Variants in GALNT17 observed in about 807,000 individuals in gnomAD.
The protein encoded by GALNT17 is UDP-GalNAc:polypeptide N-acetylgalactosaminyltransferase-like 3.
In GALNT17, 29 loss-of-function variants were observed where a neutral mutation model predicts 63.7. That is an observed-to-expected ratio of 0.46 (90% CI 0.34 to 0.62). The LOEUF (loss-of-function observed/expected upper bound fraction) is 0.62, where lower values mean the gene tolerates loss of function less well. GALNT17 is among the 20% of genes least tolerant of loss of function. GALNT17 has a pLI of 0.01. For missense variants in GALNT17, 603 were observed against 799.6 expected (o/e 0.75, Z 2.97); for synonymous variants, 305 against 318.3 (o/e 0.96, Z 0.45).
At chr7:71,574,778 C>T (rs1789507592) in intron 6 of GALNT17, among the ~76,000 whole-genome samples, 1 of 152,142 alleles carries the variant, frequency 6.6e-6, no homozygotes, top group Non-Finnish European at 1.5e-5. Flanking sequence ...GTTTACCAAG[C>T]CCTCCTACCC....
At chr7:71,573,452 T>C (rs1483059758) in intron 6 of GALNT17, among the ~76,000 whole-genome samples, 19 of 152,112 alleles carry the variant, frequency 1.2e-4, no homozygotes, top group Non-Finnish European at 2.5e-4. Flanking sequence ...CACCTCAGCC[T>C]CCCAAGTAGC....
At chr7:71,682,222 C>T (rs543692869) in intron 9 of GALNT17, among the ~76,000 whole-genome samples, 2 of 151,842 alleles carry the variant, frequency 1.3e-5, no homozygotes, top group Non-Finnish European at 2.9e-5. Context: ...CCACTGCGCC[C>T]GGCCTCAGGG....
intron 3 of GALNT17, among the ~76,000 whole-genome samples, chr7:71,402,548 A>G (rs575216229): frequency 2.0e-4 from 30 of 152,260 alleles, no homozygotes; most frequent in Middle Eastern, 3.4e-3. Flanking sequence ...GAAATTGCCT[A>G]TCTCCCATCA....
intron 6 of GALNT17, among the ~76,000 whole-genome samples, chr7:71,615,117 TA>T (rs1410053038): frequency 6.6e-6 from 1 of 152,204 alleles, no homozygotes; most frequent in Non-Finnish European, 1.5e-5. Context: ...GGAAGGAATA[TA>T]GCCCTGACTG....
chr7:71,426,504 GAGGTTTCATTGGCTCAC>G (rs1786763432), intron 5 of GALNT17, among the ~76,000 whole-genome samples: 4 of 152,208 alleles, frequency 2.6e-5, no homozygotes, highest in Admixed American at 2.0e-4. Context: ...ATAAAGGAAA[GAGGTTTCATTGGCTCAC>G]AGTTCTGCAG....
chr7:71,600,104 G>A (rs1391666560), intron 6 of GALNT17, among the ~76,000 whole-genome samples: 1 of 151,964 alleles, frequency 6.6e-6, no homozygotes. Context: ...CCCACCTCAA[G>A]GAGATAGAAC....
At chr7:71,379,197 G>A (rs999586182) in intron 2 of GALNT17, among the ~76,000 whole-genome samples, 7 of 152,138 alleles carry the variant, frequency 4.6e-5, no homozygotes, top group Non-Finnish European at 8.8e-5. Flanking sequence ...GAGGAAGGTA[G>A]TGTTGGGCAG....
intron 6 of GALNT17, among the ~76,000 whole-genome samples, chr7:71,650,086 A>G (rs1372854214): frequency 6.6e-6 from 1 of 152,210 alleles, no homozygotes; most frequent in Non-Finnish European, 1.5e-5. Flanking sequence ...CCCAAACTCT[A>G]GACAACCCAG....
intron 6 of GALNT17, among the ~76,000 whole-genome samples, chr7:71,641,209 T>G (rs1202164283): frequency 1.3e-5 from 2 of 152,136 alleles, no homozygotes. Flanking sequence ...CAAAGTCTTC[T>G]TACACTTCTT....
intron 1 of GALNT17, among the ~76,000 whole-genome samples, chr7:71,213,326 T>C (rs1185100483): frequency 1.3e-5 from 2 of 152,240 alleles, no homozygotes; most frequent in Non-Finnish European, 2.9e-5. Context: ...TCCCCAGCCA[T>C]GTGGAACTGT....
chr7:71,296,206 ATCTC>A (rs1352856662), intron 1 of GALNT17, among the ~76,000 whole-genome samples: 67 of 152,292 alleles, frequency 4.4e-4, no homozygotes, highest in Middle Eastern at 3.4e-3. Flanking sequence ...GATCCTATCT[ATCTC>A]TATTTATCAG....
intron 2 of GALNT17, among the ~76,000 whole-genome samples, chr7:71,379,617 A>G (rs1023777505): frequency 6.6e-6 from 1 of 152,132 alleles, no homozygotes; most frequent in Non-Finnish European, 1.5e-5. Flanking sequence ...GGATTTGGTG[A>G]CCGATAGGCA....
At chr7:71,151,243 A>G (rs1035474349) in intron 1 of GALNT17, among the ~76,000 whole-genome samples, 1 of 152,174 alleles carries the variant, frequency 6.6e-6, no homozygotes, top group Non-Finnish European at 1.5e-5. Context: ...ATCTTAAACA[A>G]TAAGTGGGGG....
chr7:71,605,576 C>G (rs1181052561), intron 6 of GALNT17, among the ~76,000 whole-genome samples: 4 of 145,984 alleles, frequency 2.7e-5, no homozygotes, highest in Admixed American at 2.7e-4. Context: ...CAGAGTGAGA[C>G]TCCATCTCAA....
chr7:71,570,503 C>CT (rs1789421965), intron 5 of GALNT17, among the ~76,000 whole-genome samples: 1 of 152,110 alleles, frequency 6.6e-6, no homozygotes, highest in South Asian at 2.1e-4. Context: ...AGTGGTGCAT[C>CT]TTGCTTCTCA....
chr7:71,171,877 AG>A (rs1409586976), intron 1 of GALNT17, among the ~76,000 whole-genome samples: 1 of 152,188 alleles, frequency 6.6e-6, no homozygotes, highest in Non-Finnish European at 1.5e-5. Flanking sequence ...GAACAACTTG[AG>A]TGAAAGTTTC....
chr7:71,370,475 A>T (rs1792601002), intron 2 of GALNT17, among the ~76,000 whole-genome samples: 1 of 151,040 alleles, frequency 6.6e-6, no homozygotes. Flanking sequence ...AATTTTTTAA[A>T]ATTTGTATTA....
intron 1 of GALNT17, among the ~76,000 whole-genome samples, chr7:71,317,526 C>G (rs1791521803): frequency 6.6e-6 from 1 of 152,026 alleles, no homozygotes; most frequent in South Asian, 2.1e-4. Context: ...GATAGAACAG[C>G]ATAAAGATGC....
intron 8 of GALNT17, among the ~76,000 whole-genome samples, chr7:71,676,140 G>C (rs1791147113): frequency 1.3e-5 from 2 of 152,130 alleles, no homozygotes; most frequent in African/African-American, 4.8e-5. Flanking sequence ...GTGGTGGGAT[G>C]GATACCCATA....
Sources: allele counts gnomAD v4.1 joint callset (sites outside exome capture counted in the v4.1 genomes callset), GRCh38; gene constraint gnomAD v4.1.1; transcripts MANE v1.5; gene names NCBI Gene and HGNC (gene_info 2026-07-23, HGNC 2026-07-21).